The following KLHL42 variants were observed in gnomAD, a reference collection of about 807,000 sequenced individuals.
KLHL42 encodes the protein kelch-like protein 42.
In KLHL42, 27 loss-of-function variants were observed where a neutral mutation model predicts 32.7. That is an observed-to-expected ratio of 0.83 (90% CI 0.61 to 1.14). The LOEUF (loss-of-function observed/expected upper bound fraction) is 1.14, where lower values mean the gene tolerates loss of function less well. Ranked by LOEUF, KLHL42 falls within the 50% of genes most tolerant of loss-of-function variation. The pLI, the probability that KLHL42 is intolerant of heterozygous loss-of-function variation, is 0.00. For missense variants in KLHL42, 491 were observed against 560.8 expected (o/e 0.88, Z 1.26); for synonymous variants, 267 against 248.2 (o/e 1.08, Z -0.71).
At chr12:27,795,756 A>G (rs74843347) in intron 2 of KLHL42, among the ~76,000 whole-genome samples, 2,063 of 152,336 alleles carry the variant, frequency 0.014, 39 homozygotes, top group African/African-American at 0.046. Flanking sequence ...GCAGCACTGA[A>G]GAAATTCAGA....
chr12:27,789,788 C>T (rs2062188276), intron 1 of KLHL42, among the ~76,000 whole-genome samples: 2 of 152,124 alleles, frequency 1.3e-5, no homozygotes, highest in Non-Finnish European at 1.5e-5. Flanking sequence ...GTACCTGCCA[C>T]CCTGACGTCT....
At chr12:27,797,664 C>A (rs767303023) in intron 2 of KLHL42, 51 bp from the exon 3 acceptor site, 43 of 670,286 alleles carry the variant, frequency 6.4e-5, no homozygotes, top group Non-Finnish European at 2.2e-5. Flanking sequence ...TACAGACTTG[C>A]CTAGTGGTGT....
At chr12:27,789,676 C>T (rs1056011810) in intron 1 of KLHL42, among the ~76,000 whole-genome samples, 3 of 152,120 alleles carry the variant, frequency 2.0e-5, no homozygotes, top group African/African-American at 7.2e-5. Flanking sequence ...GCTTTATTTC[C>T]TTTGGTTCCC....
intron 1 of KLHL42, among the ~76,000 whole-genome samples, chr12:27,787,297 C>T (rs551379992): frequency 1.4e-3 from 215 of 151,856 alleles, no homozygotes; most frequent in South Asian, 3.5e-3. Context: ...AGGTTCGAGA[C>T]CAGCCTGGCC....
In KLHL42 at chr12:27,783,207, GAA is replaced by G. The variant is rs2062156330; in HGVS notation, c.872+2008_872+2009del. Among the ~76,000 whole-genome samples, 3 of 152,166 alleles carry G rather than the reference GAA, an allele frequency of 2.0e-5. No individual in the cohort carries two copies. In the South Asian group the frequency reaches 6.2e-4, roughly 32 times the overall value. ...AATGTTATTAATAAACTAAGGAAGAGAAAATTAAGCGGAAGTGGATCATCCTT... is the reference window on the plus strand; with the variant it reads ...AATGTTATTAATAAACTAAGGAAGAGAATTAAGCGGAAGTGGATCATCCTT... On this transcript the variant is annotated intron_variant, in intron 1 of 2. Transcript: ENST00000381271.
intron 1 of KLHL42, among the ~76,000 whole-genome samples, chr12:27,791,060 CATAAATAAATTAGTAA>C (rs2062194546): frequency 6.6e-6 from 1 of 152,164 alleles, no homozygotes; most frequent in South Asian, 2.1e-4. Flanking sequence ...GACCCTGTTT[CATAAATAAATTAGTAA>C]ATAAATAAAT....
At position 27,798,204 on chromosome 12, in the gene KLHL42, G is replaced by C; in HGVS notation, c.*38G>C. On this transcript the variant is annotated 3_prime_UTR_variant, in exon 3 of 3. Coordinates refer to ENST00000381271, the MANE Select transcript of KLHL42 (RefSeq NM_020782.2). ...GGTAGATGAAAAAAACCTGGTTCAAGTTTTTTTTAAAATGTGGTGTCCCAT... is the reference window on the plus strand; with the variant it reads ...GGTAGATGAAAAAAACCTGGTTCAACTTTTTTTTAAAATGTGGTGTCCCAT... 2.7e-6 allele frequency: 2 copies of C among 739,936 alleles called. No individual in the cohort carries two copies. 45.8% of individuals were successfully genotyped at this position (739,936 alleles called of 1,614,324 possible).
At chr12:27,788,901 TAAG>T (rs553782330) in intron 1 of KLHL42, among the ~76,000 whole-genome samples, 3 of 152,360 alleles carry the variant, frequency 2.0e-5, no homozygotes, top group African/African-American at 7.2e-5. Context: ...TGTGTTAAAT[TAAG>T]AAAACACTGT....
At chr12:27,783,806 G>T (rs905693956) in intron 1 of KLHL42, among the ~76,000 whole-genome samples, 3 of 151,974 alleles carry the variant, frequency 2.0e-5, no homozygotes, top group East Asian at 3.9e-4. Context: ...GGATGGTCTC[G>T]ATCTCCTGAC....
At chr12:27,789,585 G>C (rs764310835) in intron 1 of KLHL42, among the ~76,000 whole-genome samples, 15 of 152,254 alleles carry the variant, frequency 9.9e-5, no homozygotes, top group Non-Finnish European at 2.2e-4. Context: ...AAACTGTTTT[G>C]ATCTTACAAA....
chr12:27,799,965 A>C lies in KLHL42; in HGVS notation c.*1799A>C. 1.3e-5 allele frequency: 12 copies of C among 889,256 alleles called. No individual in the cohort carries two copies. The highest frequency in any genetic ancestry group is 1.5e-5 in the Non-Finnish European group (11 of 742,366). The allele number at this position is 889,256 out of a possible 1,614,324, so 55.1% of individuals were successfully genotyped here. A position where few individuals can be genotyped will look rare whatever the true frequency, so the allele number is the denominator to read the frequency against. ...CAAAATCTTCCCAGGAATAGTACTT[A>C]ATAGATTTTAATGTTAATTTATATT... On this transcript the variant is annotated 3_prime_UTR_variant, in exon 3 of 3. Transcript: ENST00000381271.
In KLHL42 at chr12:27,801,980, C is replaced by T. The variant is rs570817276; in HGVS notation, c.*3814C>T. ...ACCAGGGCGTCCTTCTCAAAGATGC[C>T]CACTTTTGTCTGGCACATTGGGGCT... On this transcript the variant is annotated 3_prime_UTR_variant, in exon 3 of 3. Transcript: ENST00000381271. 1 of 152,024 alleles carries T rather than the reference C, an allele frequency of 6.6e-6. No homozygotes were observed. The highest frequency in any genetic ancestry group is 1.5e-5 in the Non-Finnish European group (1 of 68,014). The allele number at this position is 152,024 out of a possible 1,614,324, so 9.4% of individuals were successfully genotyped here. A position where few individuals can be genotyped will look rare whatever the true frequency, so the allele number is the denominator to read the frequency against.
chr12:27,781,003 ATG>A lies in KLHL42; in HGVS notation c.674_675del (p.Met225AsnfsTer2). 6.2e-7 allele frequency: 1 copy of A among 1,609,342 alleles called. No individual in the cohort carries two copies. The highest frequency in any genetic ancestry group is 8.5e-7 in the Non-Finnish European group (1 of 1,177,046). On this transcript the variant is annotated frameshift_variant, in exon 1 of 3. Transcript: ENST00000381271. LOFTEE classifies it high-confidence loss of function. ...CCCGTCCATGCTCAGGTACGAGGAG[ATG>A]ACTGAGCGTTGGTTCCCGCTGGCCA... ...EPPSMLRYEE[M>X]TERWFPLANN...
rs866345279 is a variant in KLHL42 at position 27,780,433 on chromosome 12, C to A, written c.103C>A (p.Arg35Ser). ...GAGCGACTACTTCCGCGCCCTCTAC[C>A]GCTCCGGCATGCGCGAGGCCCTGAG... The part of the protein sequence containing the change: ...EQSDYFRALY[R>S]SGMREALSQE... The change falls in exon 1 of 3, where the codon CGC becomes AGC. Residue 35 changes from arginine (R) to serine (S), a missense_variant. Coordinates refer to ENST00000381271, the MANE Select transcript of KLHL42 (RefSeq NM_020782.2). The surrounding 1 kb of genome is among the most constrained non-coding windows in gnomAD (Gnocchi z 8.8). 1.3e-6 allele frequency: 2 copies of A among 1,551,796 alleles called. No individual in the cohort carries two copies. Among genetic ancestry groups the A allele is most frequent in the African/African-American group, 2.8e-5 (2 of 71,998 alleles).
At position 27,798,931 on chromosome 12, in the gene KLHL42, G is replaced by T. The variant is rs981789943; in HGVS notation, c.*765G>T. The T allele has an allele frequency of 2.6e-5, 4 of 152,198 alleles. No individual in the cohort carries two copies. The highest frequency in any genetic ancestry group is 9.7e-5 in the African/African-American group (4 of 41,250). The allele number at this position is 152,198 out of a possible 1,614,324, so 9.4% of individuals were successfully genotyped here. ...AGGCATTCTGTATTGTTTTAAAGAG[G>T]ATATATTATTTAGAAAAATGGACAT... On this transcript the variant is annotated 3_prime_UTR_variant, in exon 3 of 3. Coordinates refer to ENST00000381271, the MANE Select transcript of KLHL42 (RefSeq NM_020782.2).
At chr12:27,790,108 C>T (rs10771365) in intron 1 of KLHL42, among the ~76,000 whole-genome samples, 63,691 of 151,978 alleles carry the variant, frequency 0.42, 15,421 homozygotes, top group Non-Finnish European at 0.54. Flanking sequence ...ATAGCCTCTA[C>T]CTCCATTCTT....
rs1436417779 is a variant in KLHL42 at position 27,799,495 on chromosome 12, C to T, written c.*1329C>T. 1.3e-5 allele frequency: 2 copies of T among 152,112 alleles called. No individual in the cohort carries two copies. The highest frequency in any genetic ancestry group is 1.3e-4 in the Admixed American group (2 of 15,266). The allele number at this position is 152,112 out of a possible 1,614,324, so 9.4% of individuals were successfully genotyped here. A position where few individuals can be genotyped will look rare whatever the true frequency, so the allele number is the denominator to read the frequency against. ...GGATTCCATCTTTCTGCAGTAACAGCGGGCAGAACCATTTCAGTTAGCATG... is the reference window on the plus strand; with the variant it reads ...GGATTCCATCTTTCTGCAGTAACAGTGGGCAGAACCATTTCAGTTAGCATG... On this transcript the variant is annotated 3_prime_UTR_variant, in exon 3 of 3. Transcript: ENST00000381271.
intron 1 of KLHL42, chr12:27,787,794 C>T (rs2062179509): frequency 6.7e-6 from 1 of 148,318 alleles, no homozygotes; most frequent in Non-Finnish European, 1.5e-5. Flanking sequence ...GCTGTCCCTT[C>T]TCCTCTCAGC....
rs1006385287 is a variant in KLHL42 at position 27,786,540 on chromosome 12, G to T, written c.873-5168G>T. Among the ~76,000 whole-genome samples, 4 of 152,088 alleles carry T rather than the reference G, an allele frequency of 2.6e-5. No homozygotes were observed. In the East Asian group the frequency reaches 7.7e-4, roughly 29 times the overall value. ...CCTTGAGAAAGAAAACCAGATTTTG[G>T]CCTCTGGCTATGCAGAATTTCACAT... On this transcript the variant is annotated intron_variant, in intron 1 of 2. Coordinates refer to ENST00000381271, the MANE Select transcript of KLHL42 (RefSeq NM_020782.2).
Sources: allele counts gnomAD v4.1 joint callset (sites outside exome capture counted in the v4.1 genomes callset), GRCh38; gene constraint gnomAD v4.1.1; non-coding constraint Gnocchi (gnomAD v3.1); transcripts MANE v1.5; gene names NCBI Gene and HGNC (gene_info 2026-07-23, HGNC 2026-07-21).